The following NKAIN3 variants were observed in gnomAD, a reference collection of about 807,000 sequenced individuals.
NKAIN3 encodes the protein sodium/potassium transporting ATPase interacting 3.
NKAIN3 carries 25 observed loss-of-function variants against 30.2 expected under a neutral mutation model. The observed-to-expected ratio is 0.83, with a 90% CI of 0.60 to 1.16. The LOEUF (loss-of-function observed/expected upper bound fraction) is 1.16. Among genes scored for constraint, NKAIN3 ranks in the 50% most tolerant of loss-of-function variants. The pLI is 0.00. For missense variants in NKAIN3, 225 were observed against 254.1 expected, an observed-to-expected ratio of 0.89 and a Z score of 0.78; for synonymous variants, 91 against 89.6, an observed-to-expected ratio of 1.02 and a Z score of -0.09.
intron 1 of NKAIN3, among the ~76,000 whole-genome samples, chr8:62,339,321 T>A (rs750237475): frequency 7.2e-5 from 11 of 151,986 alleles, no homozygotes; most frequent in Non-Finnish European, 1.6e-4. Flanking sequence ...CTTAGCCAGA[T>A]AGGAAGCTAT....
intron 1 of NKAIN3, among the ~76,000 whole-genome samples, chr8:62,249,432 A>G (rs954922555): frequency 6.6e-6 from 1 of 152,116 alleles, no homozygotes; most frequent in African/African-American, 2.4e-5. Context: ...GGAGTGAGGG[A>G]TTTTCCCGCC....
chr8:62,587,851 C>A (rs1023911904), intron 2 of NKAIN3, among the ~76,000 whole-genome samples: 4 of 151,976 alleles, frequency 2.6e-5, no homozygotes, highest in Non-Finnish European at 5.9e-5. Flanking sequence ...GAAGTAGCAT[C>A]AAGATTACAA....
At chr8:62,727,330 A>T (rs1478362407) in intron 3 of NKAIN3, among the ~76,000 whole-genome samples, 3 of 152,164 alleles carry the variant, frequency 2.0e-5, no homozygotes, top group Non-Finnish European at 4.4e-5. Flanking sequence ...TTTTACCATC[A>T]TACTGGATGT....
At chr8:62,989,988 G>GT (rs1824287158) in intron 5 of NKAIN3, among the ~76,000 whole-genome samples, 1 of 152,220 alleles carries the variant, frequency 6.6e-6, no homozygotes, top group East Asian at 1.9e-4. Context: ...GCACACAAAG[G>GT]TAAGTGTTAA....
downstream of NKAIN3, among the ~76,000 whole-genome samples, chr8:62,988,308 G>A (rs1158664271): frequency 6.6e-6 from 1 of 152,228 alleles, no homozygotes; most frequent in Non-Finnish European, 1.5e-5. Flanking sequence ...GCTCCACTAG[G>A]CAGTGCCTCA....
At chr8:62,463,624 A>T (rs1458014946) in intron 1 of NKAIN3, among the ~76,000 whole-genome samples, 1 of 152,110 alleles carries the variant, frequency 6.6e-6, no homozygotes, top group Non-Finnish European at 1.5e-5. Context: ...GTCATTTTAT[A>T]TGCAATTTTT....
intron 1 of NKAIN3, among the ~76,000 whole-genome samples, chr8:62,561,824 T>A (rs952662925): frequency 6.6e-6 from 1 of 152,152 alleles, no homozygotes; most frequent in African/African-American, 2.4e-5. Context: ...CTTTAAAATA[T>A]GGGGCTTGTT....
chr8:62,981,343 G>A lies in NKAIN3; in HGVS notation c.*15936G>A, dbSNP rs1824070552. 1 of 152,156 alleles carries A rather than the reference G, an allele frequency of 6.6e-6. No homozygotes were observed. The highest frequency in any genetic ancestry group is 6.5e-5 in the Admixed American group (1 of 15,274). The allele number at this position is 152,156 out of a possible 1,614,324, so 9.4% of individuals were successfully genotyped here. On this transcript the variant is annotated 3_prime_UTR_variant, in exon 7 of 7. Transcript: ENST00000623646. ...AGTATTAATAGCACCCGTGATAACT[G>A]TAATAAGAATATGTCTCGTTTTCTT...
At chr8:62,817,921 C>T (rs988036229) in intron 4 of NKAIN3, among the ~76,000 whole-genome samples, 8 of 152,104 alleles carry the variant, frequency 5.3e-5, no homozygotes, top group African/African-American at 1.9e-4. Context: ...ATATATAACT[C>T]ATCTTTTAAA....
intron 3 of NKAIN3, among the ~76,000 whole-genome samples, chr8:62,621,866 A>G (rs1811625959): frequency 6.6e-6 from 1 of 152,088 alleles, no homozygotes; most frequent in African/African-American, 2.4e-5. Flanking sequence ...CAATGGTAAC[A>G]TCTTTCAAAG....
intron 1 of NKAIN3, among the ~76,000 whole-genome samples, chr8:62,485,159 G>A (rs911662304): frequency 1.3e-5 from 2 of 151,994 alleles, no homozygotes; most frequent in Admixed American, 6.5e-5. Flanking sequence ...AAATTCTGGT[G>A]CCTCCTGCTT....
In NKAIN3 at chr8:62,981,987, A is replaced by C. The variant is rs1824093320; in HGVS notation, c.*16580A>C. The C allele has an allele frequency of 6.6e-6, 1 of 152,230 alleles. No homozygotes were observed. The highest frequency in any genetic ancestry group is 2.4e-5 in the African/African-American group (1 of 41,470). The allele number at this position is 152,230 out of a possible 1,614,324, so 9.4% of individuals were successfully genotyped here. On this transcript the variant is annotated 3_prime_UTR_variant, in exon 7 of 7. Coordinates refer to ENST00000623646, the MANE Select transcript of NKAIN3 (RefSeq NM_001304533.3). ...TAGAAACAGAGAATGAGAAAGGTAT[A>C]GTAGATATTATGTAAATAAGCAGAA... is the stretch of plus-strand genomic sequence containing the variant.
chr8:62,379,520 G>C (rs935770684), intron 1 of NKAIN3, among the ~76,000 whole-genome samples: 1 of 152,144 alleles, frequency 6.6e-6, no homozygotes, highest in Admixed American at 6.5e-5. Flanking sequence ...CCAGTGAGAG[G>C]TAATTAAACC....
intron 1 of NKAIN3, among the ~76,000 whole-genome samples, chr8:62,575,294 A>G: frequency 6.6e-6 from 1 of 152,168 alleles, no homozygotes; most frequent in South Asian, 2.1e-4. Flanking sequence ...ATCAACATAC[A>G]AAAATCAGTA....
intron 4 of NKAIN3, among the ~76,000 whole-genome samples, chr8:62,780,296 T>C (rs1033430686): frequency 1.1e-4 from 16 of 152,024 alleles, no homozygotes; most frequent in African/African-American, 2.4e-5. Flanking sequence ...AAATCAGCAA[T>C]AAAATGTCTC....
intron 3 of NKAIN3, among the ~76,000 whole-genome samples, chr8:62,735,366 CTTTCTTTCTTTCTT>C (rs1285331443): frequency 3.0e-5 from 4 of 132,662 alleles, no homozygotes; most frequent in East Asian, 2.1e-4. Context: ...TTCTTTCTTT[CTTTCTTTCTTTCTT>C]TTTTTTTTTT....
At chr8:62,772,871 G>T (rs2130639566) in intron 4 of NKAIN3, among the ~76,000 whole-genome samples, 1 of 152,118 alleles carries the variant, frequency 6.6e-6, no homozygotes, top group South Asian at 2.1e-4. Context: ...ATATTGGCCA[G>T]GTTGGTCTCG....
At chr8:62,793,949 T>G (rs761512326) in intron 4 of NKAIN3, among the ~76,000 whole-genome samples, 10 of 152,192 alleles carry the variant, frequency 6.6e-5, no homozygotes, top group Non-Finnish European at 1.0e-4. Context: ...CCCTGTTTTA[T>G]TAACCAAATG....
rs1228200552 is a variant in NKAIN3, at chr8:62,849,722, C to A, written c.472-68731C>A. Among the ~76,000 whole-genome samples, 6 of 149,108 alleles carry A rather than the reference C, an allele frequency of 4.0e-5. No individual in the cohort carries two copies. In the South Asian group the frequency reaches 1.3e-3, roughly 32 times the overall value. Reference sequence around the variant, plus strand: ...ATGCGGTGTTTGGTTTTTTGTCCTTCCGATAGTTTGCTGAGAGTGATGGTT... The same window carrying A: ...ATGCGGTGTTTGGTTTTTTGTCCTTACGATAGTTTGCTGAGAGTGATGGTT... On this transcript the variant is annotated intron_variant, in intron 4 of 6. Transcript: ENST00000623646.
Sources: allele counts gnomAD v4.1 joint callset (sites outside exome capture counted in the v4.1 genomes callset), GRCh38; gene constraint gnomAD v4.1.1; transcripts MANE v1.5; gene names NCBI Gene and HGNC (gene_info 2026-07-23, HGNC 2026-07-21).